WWOX: variants seen among roughly 807,000 people sequenced by gnomAD.
The protein encoded by WWOX is WW domain containing oxidoreductase.
WWOX carries 69 observed loss-of-function variants against 46.2 expected under a neutral mutation model. That is an observed-to-expected ratio of 1.49 (90% confidence interval 1.23 to 1.82). The LOEUF (loss-of-function observed/expected upper bound fraction) is 1.82. Among genes scored for constraint, WWOX ranks in the 40% most tolerant of loss-of-function variants. The probability of loss-of-function intolerance (pLI) is 0.00; values close to 1 mark genes in which losing one functional copy is unlikely to be tolerated. For missense variants in WWOX, 919 were observed against 542.6 expected (o/e 1.69, Z -6.89); for synonymous variants, 359 against 202.6 (o/e 1.77, Z -6.56).
chr16:78,830,756 G>A (rs1293494542), intron 8 of WWOX, among the ~76,000 whole-genome samples: 2 of 151,712 alleles, frequency 1.3e-5, no homozygotes, highest in Admixed American at 6.6e-5. Context: ...GTATTGGAGG[G>A]AACATCTGAG....
rs541695826 is a variant in WWOX, at chr16:79,166,947, A to T, written c.1057-44661A>T. Among the ~76,000 whole-genome samples the T allele has an allele frequency of 2.0e-5, 3 of 152,160 alleles. No homozygotes were observed. In the South Asian group the frequency reaches 6.2e-4, roughly 32 times the overall value. On this transcript the variant is annotated intron_variant, in intron 8 of 8. Coordinates refer to ENST00000566780, the MANE Select transcript of WWOX (RefSeq NM_016373.4). The stretch of plus-strand genomic sequence containing the variant: ...TTTCAACTTCATCATATATATAATA[A>T]TTATTTTTTTTTGAGACAGAGCCTT...
At chr16:79,094,512 A>T (rs1289819568) in intron 8 of WWOX, among the ~76,000 whole-genome samples, 1 of 152,142 alleles carries the variant, frequency 6.6e-6, no homozygotes, top group African/African-American at 2.4e-5. Context: ...TCGGCCTCCC[A>T]AAGTGCTGGG....
chr16:78,670,664 T>G (rs1425619746), intron 8 of WWOX, among the ~76,000 whole-genome samples: 2 of 152,086 alleles, frequency 1.3e-5, no homozygotes, highest in Non-Finnish European at 2.9e-5. Flanking sequence ...TAAGGCCTTT[T>G]TAATTAAAAA....
intron 8 of WWOX, among the ~76,000 whole-genome samples, chr16:78,502,193 T>C (rs550880100): frequency 1.3e-5 from 2 of 152,212 alleles, no homozygotes; most frequent in Admixed American, 6.5e-5. Context: ...TTTATTGATA[T>C]ATAATGTGCC....
chr16:78,488,853 A>G (rs557909446), intron 8 of WWOX, among the ~76,000 whole-genome samples: 38 of 152,300 alleles, frequency 2.5e-4, no homozygotes, highest in African/African-American at 8.9e-4. Context: ...AACATGCCCA[A>G]TGCCTGTTTC....
intron 8 of WWOX, among the ~76,000 whole-genome samples, chr16:78,662,515 T>C (rs565149045): frequency 6.6e-6 from 1 of 152,214 alleles, no homozygotes; most frequent in South Asian, 2.1e-4. Context: ...CCGATACCAC[T>C]ATCAGGCCCT....
intron 8 of WWOX, among the ~76,000 whole-genome samples, chr16:78,857,246 T>C (rs1213031168): frequency 6.6e-6 from 1 of 152,114 alleles, no homozygotes. Context: ...TTGAAAAGAA[T>C]TGGCAAACAT....
At chr16:79,139,817 ATG>A (rs2050054207) in intron 8 of WWOX, among the ~76,000 whole-genome samples, 1 of 152,230 alleles carries the variant, frequency 6.6e-6, no homozygotes, top group Non-Finnish European at 1.5e-5. Flanking sequence ...ACTTGCCCGA[ATG>A]ACTTTAGTGA....
intron 8 of WWOX, among the ~76,000 whole-genome samples, chr16:78,903,339 G>C (rs2044876596): frequency 6.6e-6 from 1 of 152,170 alleles, no homozygotes; most frequent in Non-Finnish European, 1.5e-5. Context: ...ACCAATCAGA[G>C]GCTAAAGTGA....
chr16:78,985,828 C>G (rs897386935), intron 8 of WWOX, among the ~76,000 whole-genome samples: 1 of 152,206 alleles, frequency 6.6e-6, no homozygotes, highest in African/African-American at 2.4e-5. Flanking sequence ...GCAATGCTGA[C>G]CACTCCGGAA....
At position 79,211,910 on chromosome 16, in the gene WWOX, G is replaced by C. The variant is rs2051771515; in HGVS notation, c.*114G>C. ...TCCAACACAGATCCGCAAGAGTAAAGGAAATAAGAGCAGTCACAACAGAGT... is the reference window on the plus strand; with the variant it reads ...TCCAACACAGATCCGCAAGAGTAAACGAAATAAGAGCAGTCACAACAGAGT... On this transcript the variant is annotated 3_prime_UTR_variant, in exon 9 of 9. Coordinates refer to ENST00000566780, the MANE Select transcript of WWOX (RefSeq NM_016373.4). 2 of 1,549,556 alleles carry C rather than the reference G, an allele frequency of 1.3e-6. No homozygotes were observed. The highest frequency in any genetic ancestry group is 1.9e-5 in the Admixed American group (1 of 51,476).
At chr16:79,115,623 T>A (rs891506156) in intron 8 of WWOX, among the ~76,000 whole-genome samples, 7 of 152,202 alleles carry the variant, frequency 4.6e-5, no homozygotes, top group African/African-American at 1.7e-4. Flanking sequence ...AAGTGTGATA[T>A]GAGAGTATAT....
intron 4 of WWOX, among the ~76,000 whole-genome samples, chr16:78,161,984 C>T (rs144613570): frequency 6.6e-6 from 1 of 152,256 alleles, no homozygotes; most frequent in East Asian, 1.9e-4. Context: ...AGATTTCACT[C>T]TTACCATTTG....
intron 8 of WWOX, among the ~76,000 whole-genome samples, chr16:78,957,113 C>T (rs180909676): frequency 1.3e-4 from 20 of 152,276 alleles, no homozygotes; most frequent in African/African-American, 4.8e-4. Flanking sequence ...TAAACGCTCC[C>T]ACTTTATATG....
chr16:78,627,295 G>A (rs757197201), intron 8 of WWOX, among the ~76,000 whole-genome samples: 39 of 152,140 alleles, frequency 2.6e-4, no homozygotes, highest in Non-Finnish European at 4.6e-4. Flanking sequence ...AACTAGTCTG[G>A]TCTTAAAGTC....
intron 8 of WWOX, among the ~76,000 whole-genome samples, chr16:79,050,221 G>C (rs971396772): frequency 6.6e-6 from 1 of 152,160 alleles, no homozygotes; most frequent in Non-Finnish European, 1.5e-5. Flanking sequence ...GGTCCTGCTG[G>C]TTTTGGTGGG....
At chr16:78,838,469 G>C (rs1324755648) in intron 8 of WWOX, among the ~76,000 whole-genome samples, 1 of 152,160 alleles carries the variant, frequency 6.6e-6, no homozygotes, top group African/African-American at 2.4e-5. Flanking sequence ...CTATAAAAGA[G>C]TGAAAAAGCC....
chr16:78,787,079 C>T (rs56227404), intron 8 of WWOX, among the ~76,000 whole-genome samples: 27,066 of 151,990 alleles, frequency 0.18, 2,522 homozygotes, highest in Admixed American at 0.23. Context: ...ACCTGGGAGG[C>T]GGAGGTTGCA....
intron 8 of WWOX, among the ~76,000 whole-genome samples, chr16:78,963,570 A>G (rs556235901): frequency 7.5e-4 from 114 of 152,306 alleles, no homozygotes; most frequent in Middle Eastern, 6.8e-3. Flanking sequence ...GAATTACTGA[A>G]TTAGAGTTCA....
Sources: gnomAD v4.1 joint callset for allele counts (sites outside exome capture counted in the v4.1 genomes callset) on GRCh38, gnomAD v4.1.1 for gene constraint, MANE v1.5 for transcripts, NCBI Gene and HGNC (gene_info 2026-07-23, HGNC 2026-07-21) for gene names.